GAS2: variants seen among roughly 807,000 people sequenced by gnomAD.
GAS2 encodes growth arrest specific 2, also known as growth arrest-specific protein 2.
GAS2 carries 20 observed loss-of-function variants against 37.5 expected under a neutral mutation model. That is an observed-to-expected ratio of 0.53 (90% CI 0.37 to 0.77). The LOEUF (loss-of-function observed/expected upper bound fraction) is 0.77. GAS2 is among the 30% of genes least tolerant of loss of function. The pLI, the probability that GAS2 is intolerant of heterozygous loss-of-function variation, is 0.00. For synonymous variants in GAS2, 144 were observed against 132.2 expected (o/e 1.09, Z -0.61); for missense variants, 336 against 373.4 (o/e 0.90, Z 0.82).
chr11:22,674,820 A>C, intron 1 of GAS2, 30 bp from the exon 2 acceptor site: 3 of 1,528,226 alleles, frequency 2.0e-6, no homozygotes, highest in Non-Finnish European at 1.8e-6. Context: ...GTCTGTATAA[A>C]AAGCAATTGC....
chr11:22,763,342 G>A (rs1854498074), intron 7 of GAS2, among the ~76,000 whole-genome samples: 1 of 152,080 alleles, frequency 6.6e-6, no homozygotes, highest in African/African-American at 2.4e-5. Context: ...AATGTCTTCT[G>A]GGACTTGCTC....
In GAS2 at chr11:22,732,770, T is replaced by TATCATCATC. The variant is rs35919121; in HGVS notation, c.410-4900_410-4892dup. Among the ~76,000 whole-genome samples, 928 of 145,926 alleles carry TATCATCATC rather than the reference T, an allele frequency of 6.4e-3. 4 individuals carry two copies. Among genetic ancestry groups the TATCATCATC allele is most frequent in the Non-Finnish European group, 9.3e-3 (619 of 66,212 alleles). ...ACATTCGCATTATTTCCCCTCCATT[T>TATCATCATC]ATCATCATCATCATCATCATCATCA... On this transcript the variant is annotated intron_variant, in intron 4 of 7. Transcript: ENST00000454584.
At chr11:22,733,820 T>G (rs1852608648) in intron 4 of GAS2, among the ~76,000 whole-genome samples, 1 of 151,776 alleles carries the variant, frequency 6.6e-6, no homozygotes. Context: ...TAAAACCATT[T>G]GTGTAATAAT....
chr11:22,788,935 T>C (rs1855955218), intron 7 of GAS2, among the ~76,000 whole-genome samples: 1 of 152,072 alleles, frequency 6.6e-6, no homozygotes, highest in African/African-American at 2.4e-5. Context: ...TATCACAGTG[T>C]CTACCAATTA....
At chr11:22,734,530 G>A (rs566549361) in intron 4 of GAS2, among the ~76,000 whole-genome samples, 1 of 151,428 alleles carries the variant, frequency 6.6e-6, no homozygotes, top group African/African-American at 2.4e-5. Context: ...ACATTATGAT[G>A]CACAAAAAGT....
intron 7 of GAS2, among the ~76,000 whole-genome samples, chr11:22,795,057 A>T (rs1426249431): frequency 1.3e-5 from 2 of 152,206 alleles, no homozygotes; most frequent in African/African-American, 4.8e-5. Flanking sequence ...GGAACAAAAC[A>T]GGAGATCCAT....
chr11:22,658,972 T>G (rs573111745), intron 1 of GAS2, among the ~76,000 whole-genome samples: 21 of 152,236 alleles, frequency 1.4e-4, no homozygotes, highest in Non-Finnish European at 2.2e-4. Context: ...TAGTATCATG[T>G]TAGGCATAAG....
At chr11:22,803,386 TA>T (rs1383715211) in intron 7 of GAS2, among the ~76,000 whole-genome samples, 1 of 152,182 alleles carries the variant, frequency 6.6e-6, no homozygotes, top group Non-Finnish European at 1.5e-5. Flanking sequence ...TGAATCATTT[TA>T]AATGAGCACA....
intron 7 of GAS2, among the ~76,000 whole-genome samples, chr11:22,767,647 C>A (rs2134407931): frequency 6.6e-6 from 1 of 152,116 alleles, no homozygotes; most frequent in Non-Finnish European, 1.5e-5. Context: ...AAGAAAAAAA[C>A]CTGTGAAATA....
rs11026748 is a variant in GAS2, at chr11:22,715,504, A to G, written c.268-10788A>G. ...AAAAAGAAAAGAAAAGAAAAGAAAC[A>G]AAACAAGAGATATTACATTCGATAA... On this transcript the variant is annotated intron_variant, in intron 3 of 7. Coordinates refer to ENST00000454584, the MANE Select transcript of GAS2 (RefSeq NM_001143830.3). Among the ~76,000 whole-genome samples, 660 of 150,258 alleles carry G rather than the reference A, an allele frequency of 4.4e-3. 19 individuals are homozygous for G. The highest frequency in any genetic ancestry group is 0.042 in the Admixed American group (615 of 14,582).
At chr11:22,701,960 C>T (rs1016431816) in intron 3 of GAS2, among the ~76,000 whole-genome samples, 4 of 152,146 alleles carry the variant, frequency 2.6e-5, no homozygotes, top group African/African-American at 9.7e-5. Flanking sequence ...ACAGTATATA[C>T]TGAAATGTTT....
At chr11:22,681,649 A>G (rs1849688882) in intron 2 of GAS2, among the ~76,000 whole-genome samples, 1 of 152,136 alleles carries the variant, frequency 6.6e-6, no homozygotes, top group African/African-American at 2.4e-5. Flanking sequence ...CTAAAATCAC[A>G]CTGCTTCCAG....
intron 7 of GAS2, among the ~76,000 whole-genome samples, chr11:22,782,755 G>T (rs1394860366): frequency 1.5e-5 from 2 of 136,976 alleles, no homozygotes; most frequent in African/African-American, 5.3e-5. Context: ...TAATAATAAT[G>T]TGATTTTGTT....
At chr11:22,802,284 A>T (rs888453283) in intron 7 of GAS2, among the ~76,000 whole-genome samples, 1 of 151,924 alleles carries the variant, frequency 6.6e-6, no homozygotes, top group African/African-American at 2.4e-5. Flanking sequence ...CAGGGTGGGG[A>T]ACATCACACA....
intron 3 of GAS2, among the ~76,000 whole-genome samples, chr11:22,697,660 G>A (rs1479070334): frequency 5.3e-5 from 8 of 152,024 alleles, no homozygotes; most frequent in Non-Finnish European, 8.8e-5. Flanking sequence ...GGTCCTTCAC[G>A]TCCCTTGTAA....
intron 7 of GAS2, among the ~76,000 whole-genome samples, chr11:22,795,990 G>T (rs1856412488): frequency 1.3e-5 from 2 of 152,072 alleles, no homozygotes; most frequent in Non-Finnish European, 2.9e-5. Context: ...CATACACATA[G>T]AGATGGTAAT....
intron 1 of GAS2, among the ~76,000 whole-genome samples, chr11:22,637,229 TA>T (rs1858839459): frequency 1.2e-5 from 1 of 82,086 alleles, no homozygotes; most frequent in African/African-American, 4.6e-5. Flanking sequence ...AGTATACTAA[TA>T]TAATATTAAT....
intron 7 of GAS2, among the ~76,000 whole-genome samples, chr11:22,794,433 A>C (rs1279737073): frequency 3.9e-5 from 6 of 151,964 alleles, no homozygotes; most frequent in African/African-American, 1.5e-4. Flanking sequence ...CTTAGTTTTA[A>C]ATTTTAGATA....
chr11:22,651,278 T>C (rs1299243722), intron 1 of GAS2, among the ~76,000 whole-genome samples: 1 of 152,244 alleles, frequency 6.6e-6, no homozygotes, highest in Non-Finnish European at 1.5e-5. Flanking sequence ...GAGTTTCTGC[T>C]GAGAGATCCG....
Sources: allele counts gnomAD v4.1 joint callset (sites outside exome capture counted in the v4.1 genomes callset), GRCh38; gene constraint gnomAD v4.1.1; transcripts MANE v1.5; gene names NCBI Gene and HGNC (gene_info 2026-07-23, HGNC 2026-07-21).